The following VPS41 variants were observed in gnomAD, a reference collection of about 807,000 sequenced individuals.
VPS41 encodes the protein vacuolar protein sorting-associated protein 41 homolog.
Under a neutral mutation model 130.9 loss-of-function variants are expected in VPS41, and 85 were observed. That is an observed-to-expected ratio of 0.65 (90% confidence interval 0.55 to 0.78). VPS41 has a LOEUF of 0.78. Ranked by LOEUF, VPS41 falls within the 30% of genes least tolerant of loss-of-function variation. VPS41 has a pLI of 0.00. For missense variants in VPS41, 874 were observed against 1,018.7 expected (o/e 0.86, Z 1.93); for synonymous variants, 335 against 332.9 (o/e 1.01, Z -0.07).
intron 2 of VPS41, among the ~76,000 whole-genome samples, chr7:38,883,812 C>T (rs566393478): frequency 6.6e-6 from 1 of 152,068 alleles, no homozygotes; most frequent in Non-Finnish European, 1.5e-5. Context: ...AAAAATCTTG[C>T]CCCCAGAAAG....
intron 17 of VPS41, among the ~76,000 whole-genome samples, chr7:38,761,477 G>A (rs1276854071): frequency 1.3e-5 from 2 of 150,738 alleles, no homozygotes; most frequent in African/African-American, 4.9e-5. Flanking sequence ...TAGAGACGGG[G>A]TTTAACCATG....
At chr7:38,896,694 A>G (rs1179529927) in intron 2 of VPS41, among the ~76,000 whole-genome samples, 1 of 152,200 alleles carries the variant, frequency 6.6e-6, no homozygotes, top group African/African-American at 2.4e-5. Context: ...CATAAGTCCA[A>G]CTTTTCCCTG....
intron 9 of VPS41, among the ~76,000 whole-genome samples, chr7:38,794,845 C>T (rs184310638): frequency 2.6e-5 from 4 of 152,140 alleles, no homozygotes; most frequent in Non-Finnish European, 5.9e-5. Flanking sequence ...TCTGAAGTAT[C>T]TAATATAACA....
At chr7:38,741,394 G>T in intron 25 of VPS41, 1 of 298,870 alleles carries the variant, frequency 3.3e-6, no homozygotes, top group Non-Finnish European at 6.7e-6. Context: ...TTTGTAATTA[G>T]TATAATAATT....
chr7:38,767,697 G>T, intron 14 of VPS41, 99 bp from the exon 15 acceptor site: 1 of 742,072 alleles, frequency 1.3e-6, no homozygotes, highest in South Asian at 1.8e-5. Context: ...GGTCCTATTA[G>T]CTCTACTGAC....
At chr7:38,766,178 TTAAA>T (rs1784039004) in intron 15 of VPS41, among the ~76,000 whole-genome samples, 1 of 152,220 alleles carries the variant, frequency 6.6e-6, no homozygotes, top group Non-Finnish European at 1.5e-5. Context: ...ACACATTTTC[TTAAA>T]TAACCTCAGG....
At chr7:38,904,497 A>G (rs1325464766) in intron 1 of VPS41, among the ~76,000 whole-genome samples, 2 of 152,192 alleles carry the variant, frequency 1.3e-5, no homozygotes, top group African/African-American at 2.4e-5. Context: ...TATCTATCTT[A>G]GCCAAACTGT....
intron 7 of VPS41, among the ~76,000 whole-genome samples, chr7:38,798,330 T>C (rs769380629): frequency 7.9e-4 from 121 of 152,230 alleles, no homozygotes; most frequent in Non-Finnish European, 1.5e-3. Flanking sequence ...TCTCACTCTG[T>C]TACCCAGGCT....
intron 27 of VPS41, among the ~76,000 whole-genome samples, chr7:38,727,832 T>C (rs1440032368): frequency 6.6e-6 from 1 of 152,230 alleles, no homozygotes; most frequent in Admixed American, 6.5e-5. Flanking sequence ...GCTTTGTTAG[T>C]TTCCGCTTTT....
intron 7 of VPS41, among the ~76,000 whole-genome samples, chr7:38,809,989 G>C (rs1584406613): frequency 6.6e-6 from 1 of 151,714 alleles, no homozygotes; most frequent in Admixed American, 6.6e-5. Flanking sequence ...CATTTGCCAT[G>C]CTCCTGTATT....
At chr7:38,810,494 T>C (rs1784923098) in intron 7 of VPS41, among the ~76,000 whole-genome samples, 1 of 152,170 alleles carries the variant, frequency 6.6e-6, no homozygotes, top group South Asian at 2.1e-4. Flanking sequence ...AATAGACATC[T>C]CTCTCAAATT....
intron 17 of VPS41, among the ~76,000 whole-genome samples, chr7:38,760,090 C>T (rs555621535): frequency 4.6e-5 from 7 of 152,224 alleles, no homozygotes; most frequent in South Asian, 2.1e-4. Flanking sequence ...ATCCTGTTTC[C>T]GTCCCACAGC....
At chr7:38,751,044 C>A (rs1302730845) in intron 22 of VPS41, among the ~76,000 whole-genome samples, 1 of 152,166 alleles carries the variant, frequency 6.6e-6, no homozygotes, top group Non-Finnish European at 1.5e-5. Flanking sequence ...CAAATTAAGT[C>A]CTCAGAAAAT....
Position 38,870,756 on chromosome 7 carries a change from A to G in VPS41, c.61-1503T>C, listed in dbSNP as rs1442586938. Among the ~76,000 whole-genome samples, 268 of 143,872 alleles carry G rather than the reference A, an allele frequency of 1.9e-3. 1 individual carries two copies. The highest frequency in any genetic ancestry group is 6.4e-3 in the African/African-American group (261 of 40,478). 94.4% of individuals were successfully genotyped at this position (143,872 alleles called of 152,430 possible). On this transcript the variant is annotated intron_variant, in intron 2 of 28. Coordinates refer to ENST00000310301, the MANE Select transcript of VPS41 (RefSeq NM_014396.4). ...TATATGTTCAAAAAAAAAAAAAAAAAAAAAAAAACAGAAAAAGACAGAAAG... is the reference window on the plus strand; with the variant it reads ...TATATGTTCAAAAAAAAAAAAAAAAGAAAAAAAACAGAAAAAGACAGAAAG...
intron 23 of VPS41, among the ~76,000 whole-genome samples, chr7:38,744,279 G>A (rs879839450): frequency 1.3e-5 from 2 of 152,130 alleles, no homozygotes; most frequent in Non-Finnish European, 2.9e-5. Flanking sequence ...CTTACTCAGT[G>A]GAGGGACAAC....
intron 2 of VPS41, among the ~76,000 whole-genome samples, chr7:38,887,636 C>T (rs1015270270): frequency 1.3e-5 from 2 of 152,166 alleles, no homozygotes; most frequent in Admixed American, 6.5e-5. Context: ...CTTCCCCAAC[C>T]TAGCAAGACA....
At chr7:38,742,184 C>T (rs921800705) in intron 24 of VPS41, 63 bp from the exon 25 acceptor site, 7 of 1,428,462 alleles carry the variant, frequency 4.9e-6, no homozygotes, top group Non-Finnish European at 5.7e-6. Context: ...TTTATTTGCA[C>T]ATAATTTGCA....
At chr7:38,899,194 C>T (rs1466277736) in intron 1 of VPS41, among the ~76,000 whole-genome samples, 1 of 152,066 alleles carries the variant, frequency 6.6e-6, no homozygotes, top group African/African-American at 2.4e-5. Context: ...CTTCAAAGGC[C>T]ATGGGTAAAA....
Position 38,849,775 on chromosome 7 carries a change from G to A in VPS41, c.246+12770C>T, listed in dbSNP as rs74680121. Among the ~76,000 whole-genome samples, 921 of 152,160 alleles carry A rather than the reference G, an allele frequency of 6.1e-3. 8 individuals carry two copies. The highest frequency in any genetic ancestry group is 0.024 in the Middle Eastern group (7 of 294). On this transcript the variant is annotated intron_variant, in intron 4 of 28. Transcript: ENST00000310301. The stretch of plus-strand genomic sequence containing the variant: ...GTTTTATAGGCACAGGATGGGGTGT[G>A]GCAGGACAGGGTGGTCTTGGGAAAT...
Sources: allele counts gnomAD v4.1 joint callset (sites outside exome capture counted in the v4.1 genomes callset), GRCh38; gene constraint gnomAD v4.1.1; transcripts MANE v1.5; gene names NCBI Gene and HGNC (gene_info 2026-07-23, HGNC 2026-07-21).